The following TWIST2 variants were observed in gnomAD, a reference collection of about 807,000 sequenced individuals.
TWIST2 encodes the protein twist-related protein 2.
Under a neutral mutation model 11.6 loss-of-function variants are expected in TWIST2, and 1 was observed. The observed-to-expected ratio is 0.09, with a 90% CI of 0.03 to 0.41. The LOEUF (loss-of-function observed/expected upper bound fraction) is 0.41. Among genes scored for constraint, TWIST2 ranks in the 10% least tolerant of loss-of-function variants. The pLI is 0.98. For missense variants in TWIST2, 168 were observed against 226.4 expected (o/e 0.74, Z 1.66); for synonymous variants, 87 against 96.6 (o/e 0.90, Z 0.58).
intron 1 of TWIST2, among the ~76,000 whole-genome samples, chr2:238,869,898 T>C (rs1692615196): frequency 1.3e-5 from 2 of 151,962 alleles, no homozygotes; most frequent in Admixed American, 6.5e-5. Context: ...CAGTGAGCTA[T>C]GCACACCACT....
intron 1 of TWIST2, among the ~76,000 whole-genome samples, chr2:238,895,848 T>C (rs1210252941): frequency 6.6e-6 from 1 of 152,246 alleles, no homozygotes; most frequent in Admixed American, 6.5e-5. Context: ...GGAGCCGGCC[T>C]GGTCCGCTGC....
At chr2:238,870,178 A>C (rs1206794401) in intron 1 of TWIST2, among the ~76,000 whole-genome samples, 4 of 69,146 alleles carry the variant, frequency 5.8e-5, no homozygotes, top group East Asian at 3.5e-4. Flanking sequence ...CACACACCCC[A>C]CACACACATC....
intron 1 of TWIST2, among the ~76,000 whole-genome samples, chr2:238,885,096 C>T (rs370924618): frequency 1.2e-4 from 18 of 152,348 alleles, no homozygotes; most frequent in African/African-American, 4.1e-4. Context: ...CCTCTCAGCC[C>T]TCAGTGCCCT....
At chr2:238,879,172 G>A (rs1165070472) in intron 1 of TWIST2, among the ~76,000 whole-genome samples, 1 of 152,142 alleles carries the variant, frequency 6.6e-6, no homozygotes, top group African/African-American at 2.4e-5. Flanking sequence ...CCTCCTGGTG[G>A]GGCTCTGACC....
intron 1 of TWIST2, among the ~76,000 whole-genome samples, chr2:238,861,319 A>G (rs1692430502): frequency 6.6e-6 from 1 of 152,076 alleles, no homozygotes; most frequent in Non-Finnish European, 1.5e-5. Context: ...TTCCTGGGGG[A>G]TGCTCTGCTC....
At chr2:238,890,328 C>G (rs1041449164) in intron 1 of TWIST2, among the ~76,000 whole-genome samples, 35 of 152,362 alleles carry the variant, frequency 2.3e-4, no homozygotes, top group African/African-American at 8.2e-4. Flanking sequence ...CACAGCCCGG[C>G]CTGCGCGGGG....
In TWIST2 at chr2:238,868,195, G is replaced by A. The variant is rs991223210; in HGVS notation, c.*35+19462G>A. 7.2e-5 allele frequency among the ~76,000 whole-genome samples: 11 copies of A among 152,226 alleles called. 2 individuals carry two copies. Among genetic ancestry groups the A allele is most frequent in the African/African-American group, 4.8e-5 (2 of 41,536 alleles). On this transcript the variant is annotated intron_variant, in intron 1 of 1. Transcript: ENST00000612363. ...GCCCAGGAGGTCAGGCTTTCTGCACGTGGCTCCCAGGGGCTCTGCTGAGAA... is the reference window on the plus strand; with the variant it reads ...GCCCAGGAGGTCAGGCTTTCTGCACATGGCTCCCAGGGGCTCTGCTGAGAA...
intron 1 of TWIST2, among the ~76,000 whole-genome samples, chr2:238,909,224 TCGTG>T (rs1488697438): frequency 2.7e-5 from 3 of 110,592 alleles, no homozygotes; most frequent in Non-Finnish European, 5.7e-5. Context: ...TGGGGTGTGT[TCGTG>T]GGTGTGGTAT....
At chr2:238,868,407 A>T (rs1692583223) in intron 1 of TWIST2, among the ~76,000 whole-genome samples, 1 of 151,924 alleles carries the variant, frequency 6.6e-6, no homozygotes, top group African/African-American at 2.4e-5. Context: ...AAAAAACAAA[A>T]CCCAAGCCTG....
chr2:238,899,034 C>T (rs1014726743), intron 1 of TWIST2, among the ~76,000 whole-genome samples: 1 of 152,254 alleles, frequency 6.6e-6, no homozygotes, highest in Non-Finnish European at 1.5e-5. Context: ...GCCCTGCTGC[C>T]CTCCGGCGTC....
intron 1 of TWIST2, among the ~76,000 whole-genome samples, chr2:238,852,423 T>C (rs540226550): frequency 6.6e-6 from 1 of 152,068 alleles, no homozygotes; most frequent in Non-Finnish European, 1.5e-5. Flanking sequence ...AATACAGAAC[T>C]CTCCGCTAGC....
At chr2:238,886,627 G>C (rs1329405928) in intron 1 of TWIST2, among the ~76,000 whole-genome samples, 1 of 151,994 alleles carries the variant, frequency 6.6e-6, no homozygotes, top group African/African-American at 2.4e-5. Context: ...TTATCTCGGT[G>C]AGTGATTCTG....
chr2:238,902,466 G>A (rs1308251814), intron 1 of TWIST2, among the ~76,000 whole-genome samples: 37 of 151,598 alleles, frequency 2.4e-4, no homozygotes, highest in African/African-American at 8.7e-4. Context: ...TGGGGTATGT[G>A]TGGTGTGAGG....
At chr2:238,883,931 C>T (rs1692985737) in intron 1 of TWIST2, among the ~76,000 whole-genome samples, 1 of 152,148 alleles carries the variant, frequency 6.6e-6, no homozygotes, top group Non-Finnish European at 1.5e-5. Flanking sequence ...GAGTCGTGAG[C>T]CGCGCTGTGG....
At position 238,863,608 on chromosome 2, in the gene TWIST2, C is replaced by T. The variant is rs1692474125; in HGVS notation, c.*35+14875C>T. 1.3e-5 allele frequency among the ~76,000 whole-genome samples: 2 copies of T among 152,110 alleles called. No individual in the cohort carries two copies. The highest frequency in any genetic ancestry group is 2.9e-5 in the Non-Finnish European group (2 of 68,012). On this transcript the variant is annotated intron_variant, in intron 1 of 1. Transcript: ENST00000612363. The surrounding 1 kb of genome is among the most constrained non-coding windows in gnomAD (Gnocchi z 4.7). ...TTTCTTCTGCCTTTTTTTCACTCCT[C>T]TCTACGTAGTTGGGGATATCTGTTG...
At chr2:238,877,255 GTTT>G (rs1199195260) in intron 1 of TWIST2, among the ~76,000 whole-genome samples, 1 of 152,034 alleles carries the variant, frequency 6.6e-6, no homozygotes, top group African/African-American at 2.4e-5. Context: ...AAGTCAGCAG[GTTT>G]CTCGCCAGTA....
At chr2:238,896,739 G>A (rs1693211870) in intron 1 of TWIST2, among the ~76,000 whole-genome samples, 1 of 152,196 alleles carries the variant, frequency 6.6e-6, no homozygotes, top group South Asian at 2.1e-4. Context: ...ACAGGGGAAT[G>A]GGGCCAGCCG....
chr2:238,895,736 C>G (rs985679769), intron 1 of TWIST2, among the ~76,000 whole-genome samples: 2 of 152,170 alleles, frequency 1.3e-5, no homozygotes, highest in African/African-American at 2.4e-5. Context: ...GCCTCAGCCC[C>G]GGTAGAGCCC....
intron 1 of TWIST2, among the ~76,000 whole-genome samples, chr2:238,905,974 C>A (rs1268574821): frequency 8.0e-6 from 1 of 124,878 alleles, no homozygotes; most frequent in Admixed American, 7.7e-5. Context: ...CGTGTGTGTG[C>A]GCGCGCGTGT....
Sources: allele counts gnomAD v4.1 joint callset (sites outside exome capture counted in the v4.1 genomes callset), GRCh38; gene constraint gnomAD v4.1.1; non-coding constraint Gnocchi (gnomAD v3.1); transcripts MANE v1.5; gene names NCBI Gene and HGNC (gene_info 2026-07-23, HGNC 2026-07-21).